DUSP3: variants seen among roughly 807,000 people sequenced by gnomAD.
DUSP3 encodes dual specificity phosphatase 3.
In DUSP3, 7 loss-of-function variants were observed where a neutral mutation model predicts 15.5. That is an observed-to-expected ratio of 0.45 (90% confidence interval 0.26 to 0.85). DUSP3 has a LOEUF of 0.85. Ranked by LOEUF, DUSP3 falls within the 40% of genes least tolerant of loss-of-function variation. The probability of loss-of-function intolerance (pLI) is 0.18; values close to 1 mark genes in which losing one functional copy is unlikely to be tolerated. For missense variants in DUSP3, 209 were observed against 251.7 expected (o/e 0.83, Z 1.15); for synonymous variants, 86 against 104.2 (o/e 0.83, Z 1.07).
Position 43,769,229 on chromosome 17 carries a change from T to C in DUSP3, c.*380A>G, listed in dbSNP as rs1414260189. 8 of 237,072 alleles carry C rather than the reference T, an allele frequency of 3.4e-5. 1 individual carries two copies. The East Asian group carries it at 9.8e-4, about 29-fold the overall frequency. The allele number at this position is 237,072 out of a possible 1,614,324, so 14.7% of individuals were successfully genotyped here. ...GTTGAGGTCCACACTCAAGAGAGGA[T>C]TCGGGAGTTGGGGAAGGGAGGTCAT... On this transcript the variant is annotated 3_prime_UTR_variant, in exon 3 of 3. Transcript: ENST00000226004.
chr17:43,774,111 T>TAAA (rs556992898), intron 2 of DUSP3: 80 of 64,900 alleles, frequency 1.2e-3, no homozygotes, highest in South Asian at 4.0e-3. Flanking sequence ...AAACTCCATC[T>TAAA]AAAAAAAAAA....
Position 43,769,305 on chromosome 17 carries a change from C to T in DUSP3, c.*304G>A, listed in dbSNP as rs539926361. ...CCTTACACTTCCACACACCTCCTGC[C>T]GTGGGCCATCGGGAAGCATGCAGGC... On this transcript the variant is annotated 3_prime_UTR_variant, in exon 3 of 3. Coordinates refer to ENST00000226004, the MANE Select transcript of DUSP3 (RefSeq NM_004090.4). The T allele has an allele frequency of 1.6e-5, 6 of 373,062 alleles. No individual in the cohort carries two copies. The highest frequency in any genetic ancestry group is 3.2e-5 in the South Asian group (1 of 31,400). The allele number at this position is 373,062 out of a possible 1,614,324, so 23.1% of individuals were successfully genotyped here. A position where few individuals can be genotyped will look rare whatever the true frequency, so the allele number is the denominator to read the frequency against.
intron 1 of DUSP3, among the ~76,000 whole-genome samples, chr17:43,775,349 T>A (rs2106764): frequency 0.34 from 51,866 of 152,062 alleles, 9,935 homozygotes; most frequent in African/African-American, 0.52. Flanking sequence ...GTCTGCATCC[T>A]GCCCAGGTAC....
rs1469878040 is a variant in DUSP3 at position 43,778,803 on chromosome 17, T to C, written c.122A>G (p.Asn41Ser). 18 of 1,530,704 alleles carry C rather than the reference T, an allele frequency of 1.2e-5. No homozygotes were observed. The highest frequency in any genetic ancestry group is 1.3e-5 in the Non-Finnish European group (15 of 1,140,738). 94.8% of individuals were successfully genotyped at this position (1,530,704 alleles called of 1,614,324 possible). Residue 41 changes from asparagine to serine, a missense_variant, in exon 1 of 3, where the codon AAC (asparagine) becomes AGC (serine). Asn to Ser is a conservative substitution (Grantham distance 46, BLOSUM62 1). Transcript: ENST00000226004. ...NEVTPRIYVGNASVAQDIPKL... is the reference protein window; with the variant it reads ...NEVTPRIYVGSASVAQDIPKL... ...CGGGCTCGCGAAAGGGACTCACGCG[T>C]TGCCCACGTAGATCCGCGGGGTGAC...
Position 43,767,938 on chromosome 17 carries a change from A to C in DUSP3, c.*1671T>G, listed in dbSNP as rs1473250212. On this transcript the variant is annotated 3_prime_UTR_variant, in exon 3 of 3. Coordinates refer to ENST00000226004, the MANE Select transcript of DUSP3 (RefSeq NM_004090.4). The stretch of plus-strand genomic sequence containing the variant: ...AGCCAGGAGCTCCTGGCCAACTCTG[A>C]AAAAGGCACATTCCCTACCTTGGCA... The C allele has an allele frequency of 1.3e-5, 2 of 152,152 alleles. No individual in the cohort carries two copies. The highest frequency in any genetic ancestry group is 2.4e-5 in the African/African-American group (1 of 41,420). The allele number at this position is 152,152 out of a possible 1,614,324, so 9.4% of individuals were successfully genotyped here. A position where few individuals can be genotyped will look rare whatever the true frequency, so the allele number is the denominator to read the frequency against.
intron 1 of DUSP3, chr17:43,778,202 C>A: frequency 6.5e-6 from 1 of 152,850 alleles, no homozygotes; most frequent in Non-Finnish European, 1.5e-5. Context: ...GGGGGGTTAT[C>A]ACTGGACCGT....
intron 1 of DUSP3, chr17:43,778,424 C>T: frequency 6.0e-6 from 1 of 165,758 alleles, no homozygotes; most frequent in South Asian, 1.8e-4. Flanking sequence ...AACCAGGCAG[C>T]TGTCACATGA....
chr17:43,769,832 G>A lies in DUSP3; in HGVS notation c.353-18C>T. On this transcript the variant is annotated intron_variant, in intron 2 of 2. Transcript: ENST00000226004. ...CACCCGGCCTGTAAGAAACAGGGGA[G>A]ACGTGGTGAGCTGGGGGCGTCCCAT... 1.2e-6 allele frequency: 2 copies of A among 1,613,780 alleles called. No individual in the cohort carries two copies. The highest frequency in any genetic ancestry group is 1.7e-6 in the Non-Finnish European group (2 of 1,179,886).
In DUSP3 at chr17:43,778,975, G is replaced by C. The variant is rs985719600; in HGVS notation, c.-51C>G. 1.0e-5 allele frequency: 13 copies of C among 1,301,710 alleles called. No homozygotes were observed. Among genetic ancestry groups the C allele is most frequent in the African/African-American group, 1.5e-5 (1 of 65,102 alleles). 80.6% of individuals were successfully genotyped at this position (1,301,710 alleles called of 1,614,324 possible). ...GGCAGGAGCAAGCGAGGCGGAGAGC[G>C]GCGGATCAGCTGGGCGGGGGCTCGC... On this transcript the variant is annotated 5_prime_UTR_variant, in exon 1 of 3. Coordinates refer to ENST00000226004, the MANE Select transcript of DUSP3 (RefSeq NM_004090.4).
intron 1 of DUSP3, chr17:43,777,909 G>C (rs575224271): frequency 6.0e-6 from 1 of 166,096 alleles, no homozygotes; most frequent in Non-Finnish European, 1.3e-5. Flanking sequence ...GGAGGCCGAG[G>C]TGGGCGGATC....
chr17:43,766,313 A>G lies in DUSP3; in HGVS notation c.*3296T>C, dbSNP rs1425172512. 1 of 152,228 alleles carries G rather than the reference A, an allele frequency of 6.6e-6. No homozygotes were observed. Among genetic ancestry groups the G allele is most frequent in the East Asian group, 1.9e-4 (1 of 5,202 alleles). 9.4% of individuals were successfully genotyped at this position (152,228 alleles called of 1,614,324 possible). A position where few individuals can be genotyped will look rare whatever the true frequency, so the allele number is the denominator to read the frequency against. On this transcript the variant is annotated 3_prime_UTR_variant, in exon 3 of 3. Transcript: ENST00000226004. Reference sequence around the variant, plus strand: ...TTTGGTGGCGTTAAGAGGCAACAAAAGTTAAGCTTCCAACGAATCTGTTCT... The same window carrying G: ...TTTGGTGGCGTTAAGAGGCAACAAAGGTTAAGCTTCCAACGAATCTGTTCT...
At chr17:43,778,217 G>A (rs1974414010) in intron 1 of DUSP3, 1 of 152,578 alleles carries the variant, frequency 6.6e-6, no homozygotes, top group Admixed American at 6.5e-5. Context: ...GACCGTTCTA[G>A]AATCTCCTGT....
intron 2 of DUSP3, among the ~76,000 whole-genome samples, chr17:43,770,892 G>A (rs1047373343): frequency 1.6e-4 from 25 of 151,836 alleles, no homozygotes; most frequent in African/African-American, 5.8e-4. Context: ...CTGAGTAGCT[G>A]GGACTACAGG....
chr17:43,777,096 C>A (rs1482695684), intron 1 of DUSP3, among the ~76,000 whole-genome samples: 2 of 152,022 alleles, frequency 1.3e-5, no homozygotes, highest in Non-Finnish European at 2.9e-5. Context: ...CCTCAGCCTC[C>A]GGAGTAGCTG....
chr17:43,770,421 G>T (rs1974300684), intron 2 of DUSP3, among the ~76,000 whole-genome samples: 1 of 152,174 alleles, frequency 6.6e-6, no homozygotes, highest in Non-Finnish European at 1.5e-5. Context: ...ACTTTGGGAG[G>T]CCAAGGCAAC....
At chr17:43,772,010 C>CA (rs1190299771) in intron 2 of DUSP3, among the ~76,000 whole-genome samples, 1,133 of 63,512 alleles carry the variant, frequency 0.018, 10 homozygotes, top group South Asian at 0.041. Context: ...GACTCCGTCT[C>CA]AAAAAAAAAA....
intron 1 of DUSP3, chr17:43,777,814 C>T (rs1974407957): frequency 5.5e-6 from 1 of 182,496 alleles, no homozygotes; most frequent in Admixed American, 5.6e-5. Context: ...GACATTCTTA[C>T]TAGAAAAAAA....
intron 2 of DUSP3, among the ~76,000 whole-genome samples, chr17:43,770,990 ATG>A (rs71160061): frequency 0.048 from 7,103 of 146,666 alleles, 412 homozygotes; most frequent in African/African-American, 0.14. Flanking sequence ...GTGTATATAT[ATG>A]TGTGTGTGTG....
At chr17:43,771,050 A>G (rs1268203321) in intron 2 of DUSP3, among the ~76,000 whole-genome samples, 1 of 151,538 alleles carries the variant, frequency 6.6e-6, no homozygotes, top group Non-Finnish European at 1.5e-5. Context: ...ATATATAAAT[A>G]GACACCATCT....
Sources: allele counts gnomAD v4.1 joint callset (sites outside exome capture counted in the v4.1 genomes callset), GRCh38; gene constraint gnomAD v4.1.1; transcripts MANE v1.5; gene names NCBI Gene and HGNC (gene_info 2026-07-23, HGNC 2026-07-21).